CSMD1: variants seen among roughly 807,000 people sequenced by gnomAD.
The protein encoded by CSMD1 is CUB and sushi domain-containing protein 1.
In CSMD1, 213 loss-of-function variants were observed where a neutral mutation model predicts 417.5. The ratio of observed to expected loss-of-function variants is 0.51; its 90% CI spans 0.46 to 0.57. CSMD1 has a LOEUF of 0.57. Among genes scored for constraint, CSMD1 ranks in the 20% least tolerant of loss-of-function variants. CSMD1 has a pLI of 0.00. For missense variants in CSMD1, 6,923 were observed against 4,529.7 expected (o/e 1.53, Z -15.17); for synonymous variants, 2,862 against 1,736.8 (o/e 1.65, Z -16.11).
chr8:4,603,326 A>C (rs959469586), intron 2 of CSMD1, among the ~76,000 whole-genome samples: 1 of 152,020 alleles, frequency 6.6e-6, no homozygotes, highest in Non-Finnish European at 1.5e-5. Flanking sequence ...CTATTTTATT[A>C]AGAATTCAAT....
intron 3 of CSMD1, among the ~76,000 whole-genome samples, chr8:4,291,943 C>T (rs1033161575): frequency 6.6e-6 from 1 of 152,148 alleles, no homozygotes; most frequent in African/African-American, 2.4e-5. Flanking sequence ...AAAAAGCAGG[C>T]AGGGAGCCTG....
rs146711620 is a variant in CSMD1 at position 3,746,719 on chromosome 8, A to C, written c.931+7211T>G. 4.9e-3 allele frequency among the ~76,000 whole-genome samples: 752 copies of C among 152,370 alleles called. 4 individuals carry two copies. Among genetic ancestry groups the C allele is most frequent in the Non-Finnish European group, 7.9e-3 (535 of 68,036 alleles). On this transcript the variant is annotated intron_variant, in intron 6 of 69. Coordinates refer to ENST00000635120, the MANE Select transcript of CSMD1 (RefSeq NM_033225.6). ...CTCAAAATAATTACAACTAATATTT[A>C]AGTGTATTTCTCCTATCCTTACCAG... is the stretch of plus-strand genomic sequence containing the variant.
intron 3 of CSMD1, among the ~76,000 whole-genome samples, chr8:4,210,039 G>C (rs908484418): frequency 5.3e-5 from 8 of 152,186 alleles, no homozygotes; most frequent in African/African-American, 1.9e-4. Context: ...TTGGTCCAGT[G>C]TCTAAGCCCT....
At chr8:3,196,347 G>T (rs563160252) in intron 33 of CSMD1, among the ~76,000 whole-genome samples, 1 of 152,162 alleles carries the variant, frequency 6.6e-6, no homozygotes, top group East Asian at 1.9e-4. Flanking sequence ...AGAAATAATA[G>T]CAAGTAGAAG....
intron 50 of CSMD1, among the ~76,000 whole-genome samples, chr8:3,049,346 C>A (rs11986000): frequency 6.6e-6 from 1 of 151,912 alleles, no homozygotes; most frequent in African/African-American, 2.4e-5. Context: ...GTTGTCTGTA[C>A]GTAAACGGGT....
intron 2 of CSMD1, among the ~76,000 whole-genome samples, chr8:4,522,836 A>C (rs1340415325): frequency 6.6e-6 from 1 of 152,300 alleles, no homozygotes; most frequent in South Asian, 2.1e-4. Context: ...ACACACTAAT[A>C]GATCCTTTTC....
At chr8:3,379,104 T>A (rs577839508) in intron 18 of CSMD1, among the ~76,000 whole-genome samples, 4 of 152,120 alleles carry the variant, frequency 2.6e-5, no homozygotes, top group East Asian at 1.9e-4. Flanking sequence ...ACATAAATAA[T>A]AGACAAACAG....
At chr8:4,836,174 T>A in intron 1 of CSMD1, among the ~76,000 whole-genome samples, 1 of 152,246 alleles carries the variant, frequency 6.6e-6, no homozygotes. Context: ...GTTATTTAAA[T>A]CGTTAATTGT....
chr8:4,258,354 A>ATG (rs1803612188), intron 3 of CSMD1, among the ~76,000 whole-genome samples: 1 of 22,468 alleles, frequency 4.5e-5, no homozygotes, highest in East Asian at 1.8e-3. Flanking sequence ...AGGGAGAAAG[A>ATG]GAAGGAGGGA....
intron 2 of CSMD1, among the ~76,000 whole-genome samples, chr8:4,571,151 G>T (rs954048048): frequency 6.6e-6 from 1 of 152,054 alleles, no homozygotes; most frequent in Non-Finnish European, 1.5e-5. Context: ...CTTCAGTTCT[G>T]CTCTGATCTT....
intron 3 of CSMD1, among the ~76,000 whole-genome samples, chr8:4,413,544 G>A (rs1796763272): frequency 6.6e-6 from 1 of 152,072 alleles, no homozygotes; most frequent in Non-Finnish European, 1.5e-5. Flanking sequence ...TGTACTGACA[G>A]CACTAATTCT....
chr8:3,983,817 C>G (rs536615797), intron 5 of CSMD1, among the ~76,000 whole-genome samples: 1 of 152,198 alleles, frequency 6.6e-6, no homozygotes, highest in East Asian at 1.9e-4. Flanking sequence ...AAATGCAGCT[C>G]CAGAGCACCT....
chr8:4,702,263 A>AG (rs2116823770), intron 1 of CSMD1, among the ~76,000 whole-genome samples: 1 of 152,334 alleles, frequency 6.6e-6, no homozygotes, highest in East Asian at 1.9e-4. Context: ...TAAAATAAAA[A>AG]TAAAAATAAA....
chr8:4,858,439 A>G (rs1429231314), intron 1 of CSMD1, among the ~76,000 whole-genome samples: 3 of 150,282 alleles, frequency 2.0e-5, no homozygotes, highest in South Asian at 4.2e-4. Context: ...AAAAGGAAAT[A>G]AAGGGTATTC....
chr8:4,549,726 T>C (rs1450662160), intron 2 of CSMD1, among the ~76,000 whole-genome samples: 3 of 151,492 alleles, frequency 2.0e-5, no homozygotes, highest in East Asian at 1.9e-4. Flanking sequence ...CCGTCTCTAC[T>C]ATAAATCTAT....
chr8:4,278,894 G>C (rs546832478), intron 3 of CSMD1, among the ~76,000 whole-genome samples: 1 of 152,122 alleles, frequency 6.6e-6, no homozygotes, highest in Non-Finnish European at 1.5e-5. Flanking sequence ...GAGACTGCTA[G>C]GATAACTTCT....
At chr8:3,003,840 G>A (rs1028744728) in intron 52 of CSMD1, among the ~76,000 whole-genome samples, 5 of 152,172 alleles carry the variant, frequency 3.3e-5, no homozygotes, top group African/African-American at 4.8e-5. Flanking sequence ...GTGATGGCAA[G>A]ACATTCTAGC....
chr8:3,340,780 C>G (rs1482443695), intron 23 of CSMD1, among the ~76,000 whole-genome samples: 1 of 152,146 alleles, frequency 6.6e-6, no homozygotes, highest in Non-Finnish European at 1.5e-5. Context: ...TTTTCTATTA[C>G]AAATATATCT....
intron 5 of CSMD1, among the ~76,000 whole-genome samples, chr8:3,794,871 A>ATCTC (rs71203478): frequency 0.23 from 35,351 of 150,482 alleles, 4,682 homozygotes; most frequent in Non-Finnish European, 0.3. Context: ...TTTACCAATG[A>ATCTC]TCTCTCTCTC....
Sources: gnomAD v4.1 joint callset for allele counts (sites outside exome capture counted in the v4.1 genomes callset) on GRCh38, gnomAD v4.1.1 for gene constraint, MANE v1.5 for transcripts, NCBI Gene and HGNC (gene_info 2026-07-23, HGNC 2026-07-21) for gene names.